MIA2: variants seen among roughly 807,000 people sequenced by gnomAD.
MIA2 encodes MIA SH3 domain ER export factor 2.
A neutral mutation model predicts 167.8 loss-of-function variants in MIA2; 127 were observed. The ratio of observed to expected loss-of-function variants is 0.76; its 90% CI spans 0.66 to 0.88. MIA2 has a LOEUF of 0.88. Among genes scored for constraint, MIA2 ranks in the 40% least tolerant of loss-of-function variants. The pLI is 0.00. For missense variants in MIA2, 1,690 were observed against 1,624.7 expected (o/e 1.04, Z -0.69); for synonymous variants, 552 against 541.9 (o/e 1.02, Z -0.26).
intron 23 of MIA2, among the ~76,000 whole-genome samples, chr14:39,377,755 C>G (rs1240162716): frequency 1.5e-5 from 2 of 130,608 alleles, no homozygotes; most frequent in Non-Finnish European, 3.1e-5. Flanking sequence ...TATACAGGCT[C>G]TCTCCCTTTT....
At chr14:39,315,902 A>G (rs925116637) in intron 21 of MIA2, among the ~76,000 whole-genome samples, 184 bp downstream of exon 21, 3 of 152,170 alleles carry the variant, frequency 2.0e-5, no homozygotes, top group African/African-American at 7.2e-5. Flanking sequence ...TATTAGAAAA[A>G]TCTGATTTTT....
rs145399699 is a variant in MIA2 at position 39,252,805 on chromosome 14, C to T, written c.1625C>T (p.Pro542Leu). Residue 542 changes from proline to leucine, a missense_variant, in exon 5 of 29, where the codon CCC (proline) becomes CTC (leucine). Coordinates refer to ENST00000640607, the MANE Select transcript of MIA2 (RefSeq NM_001329214.4). Reference sequence around the variant, plus strand: ...ATTCACGAAGAAGTATATTTTGAACCCTCATCTTCTAAAGATAGTGATGAA... The same window carrying T: ...ATTCACGAAGAAGTATATTTTGAACTCTCATCTTCTAAAGATAGTGATGAA... ...TRIHEEVYFE[P>L]SSSKDSDENS... 4 of 1,613,788 alleles carry T rather than the reference C, an allele frequency of 2.5e-6. No individual in the cohort carries two copies. Among genetic ancestry groups the T allele is most frequent in the Non-Finnish European group, 3.4e-6 (4 of 1,179,824 alleles).
intron 6 of MIA2, chr14:39,267,340 C>A: frequency 6.4e-7 from 1 of 1,562,782 alleles, no homozygotes; most frequent in Non-Finnish European, 8.6e-7. Context: ...CCGCAGTGGT[C>A]CACTCCGGTT....
intron 6 of MIA2, among the ~76,000 whole-genome samples, chr14:39,268,354 T>G (rs2056423937): frequency 6.6e-6 from 1 of 152,128 alleles, no homozygotes; most frequent in Non-Finnish European, 1.5e-5. Context: ...TACGCATATA[T>G]ATGTATTTAA....
In MIA2 at chr14:39,277,716, GTGTGTATATATATATATATATATATA is replaced by G. The variant is rs2058294906; in HGVS notation, c.2019+657_2019+682del. ...TGTATATATATATATATATATATAT[GTGTGTATATATATATATATATATATA>G]TGTGTGTATATATATATATATATAT... On this transcript the variant is annotated intron_variant, in intron 7 of 28. Transcript: ENST00000640607. Among the ~76,000 whole-genome samples the G allele has an allele frequency of 1.3e-3, 3 of 2,244 alleles. 1 individual carries two copies. Among genetic ancestry groups the G allele is most frequent in the African/African-American group, 4.5e-3 (3 of 670 alleles). 1.5% of individuals were successfully genotyped at this position (2,244 alleles called of 152,430 possible).
intron 13 of MIA2, among the ~76,000 whole-genome samples, chr14:39,298,345 C>G (rs1023788042): frequency 1.4e-4 from 21 of 147,010 alleles, no homozygotes; most frequent in Admixed American, 4.8e-4. Context: ...TGAGAGATGA[C>G]CTAATCACCA....
Position 39,277,007 on chromosome 14 carries a change from G to C in MIA2, c.1961G>C (p.Cys654Ser), listed in dbSNP as rs760234223. The C allele has an allele frequency of 6.2e-7, 1 of 1,613,976 alleles. No homozygotes were observed. The change falls in exon 7 of 29, where the codon TGT becomes TCT. Residue 654 changes from cysteine (C) to serine (S), a missense_variant. Transcript: ENST00000640607. Reference protein sequence around the residue: ...LYGFPWELVICAAVVGFFAVL... With the variant: ...LYGFPWELVISAAVVGFFAVL... Reference sequence around the variant, plus strand: ...GGTTTTCCATGGGAATTGGTGATATGTGCAGCTGTTGTTGGATTTTTTGCT... The same window carrying C: ...GGTTTTCCATGGGAATTGGTGATATCTGCAGCTGTTGTTGGATTTTTTGCT...
Position 39,236,916 on chromosome 14 carries a change from A to G in MIA2, c.116-6A>G. 6.3e-7 allele frequency: 1 copy of G among 1,597,308 alleles called. No individual in the cohort carries two copies. Among genetic ancestry groups the G allele is most frequent in the Admixed American group, 1.8e-5 (1 of 54,806 alleles). On this transcript the variant is annotated splice_region_variant and splice_polypyrimidine_tract_variant and intron_variant, in intron 1 of 28. Coordinates refer to ENST00000640607, the MANE Select transcript of MIA2 (RefSeq NM_001329214.4). ...GTGTGTATTTTTCTTTACATGTTTTACATAGCTTTAATAAACAGAGTCTCA... is the reference window on the plus strand; with the variant it reads ...GTGTGTATTTTTCTTTACATGTTTTGCATAGCTTTAATAAACAGAGTCTCA...
intron 26 of MIA2, chr14:39,346,874 G>A: frequency 6.2e-6 from 2 of 320,272 alleles, no homozygotes; most frequent in Non-Finnish European, 1.2e-5. Context: ...CCAAAGTGCT[G>A]GGATTACAAG....
At chr14:39,327,106 A>G (rs185921532) in intron 25 of MIA2, 84 bp downstream of exon 25, 5 of 1,068,294 alleles carry the variant, frequency 4.7e-6, no homozygotes, top group Admixed American at 3.2e-5. Flanking sequence ...GGAGGAGTAT[A>G]TGTTTGTTCT....
At chr14:39,340,355 T>C (rs2071515028) in intron 25 of MIA2, among the ~76,000 whole-genome samples, 1 of 152,210 alleles carries the variant, frequency 6.6e-6, no homozygotes, top group African/African-American at 2.4e-5. Flanking sequence ...TTAAAAACTC[T>C]TTTTCTTAAA....
intron 25 of MIA2, among the ~76,000 whole-genome samples, chr14:39,338,602 C>T (rs970073597): frequency 1.3e-5 from 2 of 151,984 alleles, no homozygotes; most frequent in Non-Finnish European, 2.9e-5. Flanking sequence ...ATAGTAATCA[C>T]AATTAAAATT....
At chr14:39,252,612 T>C in intron 4 of MIA2, 136 bp from the exon 5 acceptor site, 1 of 624,040 alleles carries the variant, frequency 1.6e-6, no homozygotes, top group Non-Finnish European at 2.8e-6. Flanking sequence ...ATTTATGTTT[T>C]AGTGTGTCCT....
intron 17 of MIA2, among the ~76,000 whole-genome samples, chr14:39,306,539 G>C (rs1424989332): frequency 1.3e-5 from 2 of 152,082 alleles, no homozygotes; most frequent in Admixed American, 6.5e-5. Flanking sequence ...CCACCCCCTT[G>C]GTCCAATCAC....
chr14:39,248,977 G>A (rs137901161), intron 4 of MIA2, among the ~76,000 whole-genome samples: 22 of 152,212 alleles, frequency 1.4e-4, no homozygotes, highest in African/African-American at 4.6e-4. Context: ...GAGCTCAAGC[G>A]ATCTGCCCCA....
At chr14:39,349,471 T>G (rs917245707) in intron 28 of MIA2, among the ~76,000 whole-genome samples, 2 of 152,202 alleles carry the variant, frequency 1.3e-5, no homozygotes, top group Non-Finnish European at 2.9e-5. Flanking sequence ...AAGCTTCACA[T>G]AAGAAAAAGG....
intron 25 of MIA2, among the ~76,000 whole-genome samples, chr14:39,340,343 G>A (rs2071512449): frequency 6.6e-6 from 1 of 152,170 alleles, no homozygotes; most frequent in South Asian, 2.1e-4. Flanking sequence ...AGCCTGGCAT[G>A]TTTAAAAACT....
At chr14:39,285,961 C>T (rs1194722128) in intron 9 of MIA2, among the ~76,000 whole-genome samples, 7 of 148,408 alleles carry the variant, frequency 4.7e-5, no homozygotes, top group Admixed American at 4.7e-4. Flanking sequence ...ACTTCCCAGA[C>T]TGGGCAGCCG....
chr14:39,263,016 T>G (rs2055200859), intron 6 of MIA2, among the ~76,000 whole-genome samples: 1 of 152,202 alleles, frequency 6.6e-6, no homozygotes. Flanking sequence ...TTTCCTTCTC[T>G]TGCCTGATTG....
Sources: gnomAD v4.1 joint callset for allele counts (sites outside exome capture counted in the v4.1 genomes callset) on GRCh38, gnomAD v4.1.1 for gene constraint, MANE v1.5 for transcripts, NCBI Gene and HGNC (gene_info 2026-07-23, HGNC 2026-07-21) for gene names.